The following NR3C2 variants were observed in gnomAD, a reference collection of about 807,000 sequenced individuals.
NR3C2 encodes mineralocorticoid receptor.
Under a neutral mutation model 86.4 loss-of-function variants are expected in NR3C2, and 15 were observed. The observed-to-expected ratio is 0.17, with a 90% CI of 0.12 to 0.27. NR3C2 has a LOEUF of 0.27. Among genes scored for constraint, NR3C2 ranks in the 10% least tolerant of loss-of-function variants. The pLI is 1.00. For synonymous variants in NR3C2, 458 were observed against 450.5 expected, an observed-to-expected ratio of 1.02 and a Z score of -0.21; for missense variants, 960 against 1,195.6, an observed-to-expected ratio of 0.80 and a Z score of 2.91.
At chr4:148,402,919 CA>C (rs1211888477) in intron 2 of NR3C2, among the ~76,000 whole-genome samples, 1 of 151,964 alleles carries the variant, frequency 6.6e-6, no homozygotes, top group Non-Finnish European at 1.5e-5. Context: ...AAAGGATACA[CA>C]ATAGTGGTTC....
intron 6 of NR3C2, among the ~76,000 whole-genome samples, chr4:148,140,904 T>C (rs1733572146): frequency 6.6e-6 from 1 of 152,172 alleles, no homozygotes; most frequent in South Asian, 2.1e-4. Context: ...ATTAACTCCT[T>C]AGGAAATTTC....
At chr4:148,293,394 GT>G (rs1406653919) in intron 2 of NR3C2, among the ~76,000 whole-genome samples, 1 of 152,112 alleles carries the variant, frequency 6.6e-6, no homozygotes, top group Non-Finnish European at 1.5e-5. Flanking sequence ...TTCTGTGAAC[GT>G]TTTAAAAATT....
At chr4:148,317,227 T>C (rs1373159256) in intron 2 of NR3C2, among the ~76,000 whole-genome samples, 5 of 152,058 alleles carry the variant, frequency 3.3e-5, no homozygotes. Context: ...ACATGGCACA[T>C]GCCTGTAATC....
chr4:148,312,960 A>T (rs746413177), intron 2 of NR3C2, among the ~76,000 whole-genome samples: 4 of 152,194 alleles, frequency 2.6e-5, no homozygotes, highest in Non-Finnish European at 5.9e-5. Context: ...AGAAGCTGTA[A>T]GCATAGACAA....
intron 2 of NR3C2, among the ~76,000 whole-genome samples, chr4:148,431,705 C>G (rs1158113631): frequency 6.6e-6 from 1 of 152,210 alleles, no homozygotes; most frequent in African/African-American, 2.4e-5. Context: ...TTACTCATTT[C>G]TGTCAGTTTA....
At position 148,312,361 on chromosome 4, in the gene NR3C2, C is replaced by G. The variant is rs532755684; in HGVS notation, c.1758-52244G>C. ...TATATATCTTTGCATTCAGTTCAAC[C>G]ACATTGGTAGCTTAAAATCAGTTGT... On this transcript the variant is annotated intron_variant, in intron 2 of 8. Coordinates refer to ENST00000358102, the MANE Select transcript of NR3C2 (RefSeq NM_000901.5). Among the ~76,000 whole-genome samples the G allele has an allele frequency of 9.0e-4, 137 of 152,168 alleles. 1 individual carries two copies. The highest frequency in any genetic ancestry group is 3.1e-3 in the African/African-American group (128 of 41,508).
At chr4:148,144,136 A>G (rs1392992110) in intron 6 of NR3C2, among the ~76,000 whole-genome samples, 1 of 152,128 alleles carries the variant, frequency 6.6e-6, no homozygotes. Flanking sequence ...GCACCAATGC[A>G]GCAGGTTATC....
rs1735653257 is a variant in NR3C2 at position 148,181,699 on chromosome 4, G to A, written c.2014+13047C>T. Among the ~76,000 whole-genome samples the A allele has an allele frequency of 3.9e-5, 6 of 152,328 alleles. No homozygotes were observed. The South Asian group carries it at 1.2e-3, about 32-fold the overall frequency. On this transcript the variant is annotated intron_variant, in intron 4 of 8. Transcript: ENST00000358102. ...GATCCACTAATGTGGGCTATAGCAA[G>A]AGTGGCAGGCTCAGCTTAGAGTCAA...
intron 8 of NR3C2, 119 bp from the exon 9 acceptor site, chr4:148,081,618 A>G: frequency 2.9e-6 from 4 of 1,368,288 alleles, no homozygotes; most frequent in Non-Finnish European, 4.1e-6. Flanking sequence ...CCAGGAGACC[A>G]TGTCTTCATT....
At chr4:148,178,797 A>C (rs983312089) in intron 4 of NR3C2, among the ~76,000 whole-genome samples, 5 of 151,490 alleles carry the variant, frequency 3.3e-5, no homozygotes, top group Non-Finnish European at 7.4e-5. Context: ...AATGCAGGAC[A>C]CTCAGGTGTC....
At chr4:148,442,784 G>A (rs1750419745), upstream of NR3C2, 7 of 985,414 alleles carry the variant, frequency 7.1e-6, no homozygotes, top group Non-Finnish European at 7.2e-6. Context: ...GGCGGCCTCC[G>A]CACGCTGCCC....
At chr4:148,179,169 A>G (rs907742542) in intron 4 of NR3C2, among the ~76,000 whole-genome samples, 1 of 151,624 alleles carries the variant, frequency 6.6e-6, no homozygotes, top group African/African-American at 2.4e-5. Context: ...ATTACAGAAA[A>G]TATCAGTGAG....
intron 3 of NR3C2, among the ~76,000 whole-genome samples, chr4:148,206,491 C>T (rs1421094900): frequency 6.6e-6 from 1 of 152,202 alleles, no homozygotes; most frequent in Non-Finnish European, 1.5e-5. Flanking sequence ...TTTCTGCTTT[C>T]ATATTCTAAA....
At chr4:148,149,368 T>G (rs1734008030) in intron 6 of NR3C2, among the ~76,000 whole-genome samples, 1 of 152,192 alleles carries the variant, frequency 6.6e-6, no homozygotes, top group African/African-American at 2.4e-5. Flanking sequence ...TGTTTCTTAT[T>G]TATTTCTAAA....
chr4:148,169,808 G>T (rs927874097), intron 4 of NR3C2, among the ~76,000 whole-genome samples: 2 of 152,182 alleles, frequency 1.3e-5, no homozygotes, highest in African/African-American at 4.8e-5. Flanking sequence ...GCAGAATCTT[G>T]GGCTGCCCAA....
chr4:148,098,741 C>T (rs998134743), intron 8 of NR3C2, among the ~76,000 whole-genome samples: 1 of 152,136 alleles, frequency 6.6e-6, no homozygotes, highest in African/African-American at 2.4e-5. Flanking sequence ...GCAGTTTAAC[C>T]CACATATACT....
intron 2 of NR3C2, among the ~76,000 whole-genome samples, chr4:148,319,187 A>C (rs1240899014): frequency 6.6e-6 from 1 of 151,786 alleles, no homozygotes; most frequent in Non-Finnish European, 1.5e-5. Flanking sequence ...AGATAGTTGT[A>C]GATATGTGGC....
At chr4:148,354,912 T>A (rs1745478567) in intron 2 of NR3C2, among the ~76,000 whole-genome samples, 1 of 152,072 alleles carries the variant, frequency 6.6e-6, no homozygotes. Flanking sequence ...AACATTATAC[T>A]CCAAATTAGC....
intron 2 of NR3C2, among the ~76,000 whole-genome samples, chr4:148,342,068 C>G (rs1744773402): frequency 6.6e-6 from 1 of 152,102 alleles, no homozygotes. Context: ...GTTTAGCAAC[C>G]AGCCGGGGGG....
Sources: gnomAD v4.1 joint callset for allele counts (sites outside exome capture counted in the v4.1 genomes callset) on GRCh38, gnomAD v4.1.1 for gene constraint, MANE v1.5 for transcripts, NCBI Gene and HGNC (gene_info 2026-07-23, HGNC 2026-07-21) for gene names.